Variants in XRN1 observed in about 807,000 individuals in gnomAD.
XRN1 encodes strand-exchange protein 1 homolog.
Under a neutral mutation model 222.3 loss-of-function variants are expected in XRN1, and 67 were observed. The observed-to-expected ratio is 0.30, with a 90% CI of 0.25 to 0.37. XRN1 has a LOEUF of 0.37. Among genes scored for constraint, XRN1 ranks in the 10% least tolerant of loss-of-function variants. The pLI is 1.00. For synonymous variants in XRN1, 643 were observed against 652.4 expected (o/e 0.99, Z 0.22); for missense variants, 1,707 against 2,000.2 (o/e 0.85, Z 2.80).
chr3:142,335,660 AG>A (rs1481323366), intron 33 of XRN1, 151 bp from the exon 34 acceptor site: 203 of 680,674 alleles, frequency 3.0e-4, no homozygotes, highest in Non-Finnish European at 4.6e-4. Context: ...AACATAGATA[AG>A]GGGGAGAAGA....
intron 20 of XRN1, among the ~76,000 whole-genome samples, chr3:142,391,976 T>C (rs7642634): frequency 0.13 from 19,561 of 151,952 alleles, 1,266 homozygotes; most frequent in African/African-American, 0.14. Flanking sequence ...TTCTCCATGA[T>C]GTCCTATAAA....
intron 36 of XRN1, among the ~76,000 whole-genome samples, chr3:142,330,249 T>C (rs1028354136): frequency 6.6e-6 from 1 of 152,212 alleles, no homozygotes; most frequent in African/African-American, 2.4e-5. Flanking sequence ...GTTTTGAAGT[T>C]TTGGCTTCCA....
At chr3:142,322,732 C>A (rs911396496) in intron 37 of XRN1, among the ~76,000 whole-genome samples, 3 of 151,866 alleles carry the variant, frequency 2.0e-5, no homozygotes, top group Admixed American at 1.3e-4. Flanking sequence ...AGCCCAGGCA[C>A]GGTGGCTCAC....
rs2108232418 is a variant in XRN1, at chr3:142,447,753, C to T, written c.75+117G>A. 2.4e-6 allele frequency: 3 copies of T among 1,229,328 alleles called. No individual in the cohort carries two copies. Among genetic ancestry groups the T allele is most frequent in the Middle Eastern group, 5.6e-4 (2 of 3,554 alleles). The allele number at this position is 1,229,328 out of a possible 1,614,324, so 76.2% of individuals were successfully genotyped here. On this transcript the variant is annotated intron_variant, in intron 1 of 40. Coordinates refer to ENST00000392981, the MANE Select transcript of XRN1 (RefSeq NM_001282857.2). The surrounding 1 kb of genome is among the most constrained non-coding windows in gnomAD (Gnocchi z 4.2). Reference sequence around the variant, plus strand: ...CCTTCCGTCCCCCTCCCTAATGCCACTAATCGTCCAGACGACGAGGGGAAA... The same window carrying T: ...CCTTCCGTCCCCCTCCCTAATGCCATTAATCGTCCAGACGACGAGGGGAAA...
At position 142,333,054 on chromosome 3, in the gene XRN1, C is replaced by T. The variant is rs1451027035; in HGVS notation, c.3975G>A (p.Leu1325=). The T allele has an allele frequency of 6.2e-7, 1 of 1,612,700 alleles. No individual in the cohort carries two copies. The change falls in exon 35 of 41, where the codon TTG becomes TTA. Residue 1325 remains leucine (L), a synonymous_variant. Transcript: ENST00000392981. ...GTACTTCATTTTCTTTGGAGATATT[C>T]AAAGATGCTAAAAAGTTCTCAATTC... ...NSGIENFLAS[L]NISKENEVQS...
chr3:142,367,382 T>C (rs1323444460), intron 27 of XRN1, among the ~76,000 whole-genome samples: 1 of 92,066 alleles, frequency 1.1e-5, no homozygotes, highest in Non-Finnish European at 2.1e-5. Flanking sequence ...TCCGGTGATT[T>C]GTTTGTTACC....
chr3:142,364,176 T>C (rs1224929286), intron 29 of XRN1, among the ~76,000 whole-genome samples: 1 of 152,224 alleles, frequency 6.6e-6, no homozygotes, highest in Admixed American at 6.5e-5. Context: ...GCCTGGCACA[T>C]TGCTGGCACT....
intron 33 of XRN1, among the ~76,000 whole-genome samples, chr3:142,340,387 G>A (rs1300120980): frequency 6.6e-6 from 1 of 151,300 alleles, no homozygotes; most frequent in Non-Finnish European, 1.5e-5. Context: ...GAAGAGAAAA[G>A]AGAAAAGAAT....
intron 25 of XRN1, among the ~76,000 whole-genome samples, chr3:142,374,962 T>G (rs534377717): frequency 1.3e-5 from 2 of 152,092 alleles, no homozygotes; most frequent in Non-Finnish European, 2.9e-5. Flanking sequence ...TGAAAGATGA[T>G]GTGAGACACC....
Position 142,421,033 on chromosome 3 carries a change from C to T in XRN1, c.1156G>A (p.Glu386Lys). The T allele has an allele frequency of 2.5e-6, 4 of 1,613,886 alleles. No homozygotes were observed. The highest frequency in any genetic ancestry group is 3.4e-6 in the Non-Finnish European group (4 of 1,179,934). The change falls in exon 10 of 41, where the codon GAA becomes AAA. Residue 386 changes from glutamate (E) to lysine (K), a missense_variant. By Grantham distance (56) the Glu-to-Lys change is moderately conservative (BLOSUM62 1). Around this residue, in one of 2 missense-constraint regions of XRN1, gnomAD observed 1,234 missense variants for 1,518.2 expected, o/e 0.81. Coordinates refer to ENST00000392981, the MANE Select transcript of XRN1 (RefSeq NM_001282857.2). ...VAAEEARNYK[E>K]KKKLKGQENS... ...ATAGACACCTTTAACTTTTTCTTTT[C>T]CTTGTAGTTCCTGGCTTCTTCTGCT...
At position 142,318,560 on chromosome 3, in the gene XRN1, T is replaced by C. The variant is rs1050315265; in HGVS notation, c.4621+32A>G. The C allele has an allele frequency of 2.0e-6, 3 of 1,534,574 alleles. No homozygotes were observed. The African/African-American group carries it at 4.1e-5, about 21-fold the overall frequency. ...GAGCTTAGTAAAAATAACAACTCAA[T>C]GACAAATACTTATAAATGAAAAATA... On this transcript the variant is annotated intron_variant, in intron 39 of 40. Transcript: ENST00000392981.
Position 142,357,067 on chromosome 3 carries a change from A to G in XRN1, c.3517T>C (p.Ser1173Pro), listed in dbSNP as rs751759291. The G allele has an allele frequency of 6.2e-7, 1 of 1,613,830 alleles. No homozygotes were observed. Among genetic ancestry groups the G allele is most frequent in the Non-Finnish European group, 8.5e-7 (1 of 1,179,914 alleles). ...RLPTSALVNL[S>P]HGSRSETGNQ... ...CCAGTTTCAGAGCGACTCCCATGAG[A>G]AAGGTTCACCAAGGCACTTGTTGGC... Residue 1173 changes from serine to proline, a missense_variant, in exon 31 of 41, where the codon TCT becomes CCT. Ser to Pro is a moderately conservative substitution (Grantham distance 74). Transcript: ENST00000392981.
Position 142,319,196 on chromosome 3 carries a change from T to G in XRN1, c.4405-293A>C, listed in dbSNP as rs541280749. On this transcript the variant is annotated intron_variant, in intron 37 of 40. Transcript: ENST00000392981. ...TTGACAAACTATGGAGTTCTGCCTC[T>G]TTTTGTAAATAAAGTCTTACTGGAA... Among the ~76,000 whole-genome samples, 41 of 152,314 alleles carry G rather than the reference T, an allele frequency of 2.7e-4. 1 individual carries two copies. The highest frequency in any genetic ancestry group is 9.6e-4 in the African/African-American group (40 of 41,576).
At chr3:142,367,406 A>T (rs1452791637) in intron 27 of XRN1, among the ~76,000 whole-genome samples, 1 of 152,192 alleles carries the variant, frequency 6.6e-6, no homozygotes, top group Non-Finnish European at 1.5e-5. Flanking sequence ...AAGTTTGAGA[A>T]GCACTGCTCT....
At chr3:142,347,010 G>GTGAC (rs2066162666) in intron 33 of XRN1, among the ~76,000 whole-genome samples, 1 of 152,190 alleles carries the variant, frequency 6.6e-6, no homozygotes, top group African/African-American at 2.4e-5. Context: ...GCCTGGAGGA[G>GTGAC]TGACTGCTAA....
chr3:142,346,067 C>T (rs1395136414), intron 33 of XRN1, among the ~76,000 whole-genome samples: 2 of 152,228 alleles, frequency 1.3e-5, no homozygotes, highest in Non-Finnish European at 1.5e-5. Flanking sequence ...TATGTTCACA[C>T]AAAAACTTTT....
At chr3:142,434,009 TACTG>T (rs1355030860) in intron 1 of XRN1, among the ~76,000 whole-genome samples, 1 of 152,240 alleles carries the variant, frequency 6.6e-6, no homozygotes, top group African/African-American at 2.4e-5. Flanking sequence ...GGAATGTTCT[TACTG>T]ACAGGCTGAA....
At chr3:142,399,749 A>T (rs2068057861) in intron 19 of XRN1, among the ~76,000 whole-genome samples, 1 of 151,806 alleles carries the variant, frequency 6.6e-6, no homozygotes, top group African/African-American at 2.4e-5. Flanking sequence ...GAGCTCTAAG[A>T]GAAAAGGAAA....
chr3:142,418,783 G>A, intron 11 of XRN1, 32 bp downstream of exon 11: 1 of 1,604,040 alleles, frequency 6.2e-7, no homozygotes, highest in Non-Finnish European at 8.5e-7. Flanking sequence ...TGTCAAAGTA[G>A]TAACATATCA....
Sources: allele counts gnomAD v4.1 joint callset (sites outside exome capture counted in the v4.1 genomes callset), GRCh38; gene constraint gnomAD v4.1.1; regional missense constraint gnomAD v4.1.1; non-coding constraint Gnocchi (gnomAD v3.1); transcripts MANE v1.5; gene names NCBI Gene and HGNC (gene_info 2026-07-23, HGNC 2026-07-21).